The following PCSK5 variants were observed in gnomAD, a reference collection of about 807,000 sequenced individuals.
PCSK5 encodes prohormone convertase 5.
PCSK5 carries 129 observed loss-of-function variants against 233.2 expected under a neutral mutation model. The observed-to-expected ratio is 0.55, with a 90% CI of 0.48 to 0.64. The LOEUF is 0.64. Among genes scored for constraint, PCSK5 ranks in the 30% least tolerant of loss-of-function variants. PCSK5 has a pLI of 0.00. For missense variants in PCSK5, 2,076 were observed against 2,430.1 expected (o/e 0.85, Z 3.06); for synonymous variants, 825 against 879.2 (o/e 0.94, Z 1.09).
At chr9:76,099,691 G>T (rs183983255) in intron 8 of PCSK5, among the ~76,000 whole-genome samples, 2 of 152,012 alleles carry the variant, frequency 1.3e-5, no homozygotes, top group Non-Finnish European at 2.9e-5. Flanking sequence ...CCTGTGTTGC[G>T]CCTGGGACCT....
intron 33 of PCSK5, among the ~76,000 whole-genome samples, chr9:76,330,246 T>C (rs1318496547): frequency 6.6e-6 from 1 of 152,154 alleles, no homozygotes; most frequent in African/African-American, 2.4e-5. Flanking sequence ...TGAAGGTTAT[T>C]GCTAATATGA....
intron 2 of PCSK5, among the ~76,000 whole-genome samples, chr9:75,949,675 G>A (rs373160449): frequency 2.0e-5 from 3 of 151,982 alleles, no homozygotes; most frequent in South Asian, 2.1e-4. Flanking sequence ...CTATAGGCGC[G>A]CACCACCACC....
At chr9:76,355,340 GC>G (rs1408149187) in intron 37 of PCSK5, among the ~76,000 whole-genome samples, 1 of 152,140 alleles carries the variant, frequency 6.6e-6, no homozygotes, top group African/African-American at 2.4e-5. Flanking sequence ...AGGCGTGGTG[GC>G]GGGCGCCTGT....
At chr9:75,992,588 C>T (rs1563959971) in intron 3 of PCSK5, among the ~76,000 whole-genome samples, 1 of 146,036 alleles carries the variant, frequency 6.8e-6, no homozygotes, top group East Asian at 1.9e-4. Context: ...CACACACACA[C>T]ATACACACAC....
At chr9:75,933,496 C>T (rs559441789) in intron 2 of PCSK5, among the ~76,000 whole-genome samples, 1 of 152,114 alleles carries the variant, frequency 6.6e-6, no homozygotes, top group African/African-American at 2.4e-5. Context: ...TAGATATCCT[C>T]GAAAGTTATA....
At chr9:76,344,034 AG>A (rs1564192256) in intron 35 of PCSK5, among the ~76,000 whole-genome samples, 2 of 152,170 alleles carry the variant, frequency 1.3e-5, no homozygotes, top group Non-Finnish European at 2.9e-5. Context: ...AAAATTACTG[AG>A]ATGTTTTACA....
chr9:76,266,792 T>C (rs1827346430), intron 24 of PCSK5, among the ~76,000 whole-genome samples: 1 of 152,168 alleles, frequency 6.6e-6, no homozygotes, highest in Non-Finnish European at 1.5e-5. Context: ...GTTGCTTCTC[T>C]GGAAGCAAAG....
intron 6 of PCSK5, 30 bp from the exon 7 acceptor site, chr9:76,071,696 A>G: frequency 6.3e-7 from 1 of 1,585,270 alleles, no homozygotes; most frequent in Non-Finnish European, 8.6e-7. Context: ...GAAGCCCTGT[A>G]ATGAGCTAGT....
At chr9:76,085,451 C>T (rs765814027) in intron 7 of PCSK5, among the ~76,000 whole-genome samples, 2 of 152,192 alleles carry the variant, frequency 1.3e-5, no homozygotes, top group African/African-American at 2.4e-5. Flanking sequence ...ACAGAGCTAT[C>T]GTGAAGGCTG....
intron 5 of PCSK5, among the ~76,000 whole-genome samples, chr9:76,056,556 A>G (rs760985351): frequency 6.6e-6 from 1 of 152,220 alleles, no homozygotes; most frequent in Non-Finnish European, 1.5e-5. Context: ...CATCTTCTCA[A>G]TAAGGTATCC....
At chr9:76,171,725 TG>T (rs1823338707) in intron 13 of PCSK5, among the ~76,000 whole-genome samples, 1 of 152,226 alleles carries the variant, frequency 6.6e-6, no homozygotes, top group African/African-American at 2.4e-5. Flanking sequence ...ACTATTTAAA[TG>T]TTCACATTTA....
At chr9:75,983,112 A>T (rs1449521506) in intron 2 of PCSK5, among the ~76,000 whole-genome samples, 1 of 152,088 alleles carries the variant, frequency 6.6e-6, no homozygotes, top group African/African-American at 2.4e-5. Flanking sequence ...TTTCTATGCT[A>T]TTACATTGGT....
At chr9:75,904,272 T>C (rs150894374) in intron 1 of PCSK5, among the ~76,000 whole-genome samples, 38 of 152,302 alleles carry the variant, frequency 2.5e-4, no homozygotes, top group African/African-American at 8.7e-4. Flanking sequence ...ACAGGTTTCC[T>C]TTGTCATAAA....
chr9:75,941,741 A>T (rs1199814234), intron 2 of PCSK5, among the ~76,000 whole-genome samples: 1 of 152,156 alleles, frequency 6.6e-6, no homozygotes, highest in African/African-American at 2.4e-5. Flanking sequence ...ATTTATGGTG[A>T]CACGATGATT....
intron 24 of PCSK5, among the ~76,000 whole-genome samples, chr9:76,271,874 C>A (rs1827524108): frequency 6.6e-6 from 1 of 152,078 alleles, no homozygotes; most frequent in South Asian, 2.1e-4. Context: ...CTGCATAACT[C>A]TCATCTCTGC....
chr9:76,274,744 C>T (rs1013364499), intron 24 of PCSK5, among the ~76,000 whole-genome samples: 2 of 152,110 alleles, frequency 1.3e-5, no homozygotes, highest in Non-Finnish European at 2.9e-5. Context: ...TTTATTGTAT[C>T]TACCTGTCTT....
chr9:75,926,834 A>G (rs4745468), intron 1 of PCSK5, among the ~76,000 whole-genome samples: 23,215 of 152,126 alleles, frequency 0.15, 1,874 homozygotes, highest in South Asian at 0.21. Context: ...TTTATACTTT[A>G]TGAAAATAAG....
chr9:75,893,153 A>G (rs1825681096), intron 1 of PCSK5, among the ~76,000 whole-genome samples: 1 of 152,192 alleles, frequency 6.6e-6, no homozygotes, highest in African/African-American at 2.4e-5. Flanking sequence ...GGTTCTGCTA[A>G]CATTGAACAT....
At chr9:76,301,606 G>T (rs1193071470) in intron 27 of PCSK5, among the ~76,000 whole-genome samples, 2 of 152,194 alleles carry the variant, frequency 1.3e-5, no homozygotes, top group Non-Finnish European at 2.9e-5. Context: ...ACTTTGGGAG[G>T]CCAAGGCAGG....
Sources: gnomAD v4.1 joint callset for allele counts (sites outside exome capture counted in the v4.1 genomes callset) on GRCh38, gnomAD v4.1.1 for gene constraint, MANE v1.5 for transcripts, NCBI Gene and HGNC (gene_info 2026-07-23, HGNC 2026-07-21) for gene names.